ELAC2: variants seen among roughly 807,000 people sequenced by gnomAD.
ELAC2 encodes the protein zinc phosphodiesterase ELAC protein 2.
Under a neutral mutation model 105.2 loss-of-function variants are expected in ELAC2, and 92 were observed. That is an observed-to-expected ratio of 0.87 (90% CI 0.74 to 1.04). The LOEUF (loss-of-function observed/expected upper bound fraction) is 1.04, where lower values mean the gene tolerates loss of function less well. ELAC2 is among the 50% of genes least tolerant of loss of function. The pLI, the probability that ELAC2 is intolerant of heterozygous loss-of-function variation, is 0.00. For synonymous variants in ELAC2, 468 were observed against 409.1 expected, an observed-to-expected ratio of 1.14 and a Z score of -1.74; for missense variants, 1,099 against 1,071.7, an observed-to-expected ratio of 1.03 and a Z score of -0.36.
chr17:13,007,112 A>ACAAAAG (rs1354474349), intron 8 of ELAC2, among the ~76,000 whole-genome samples: 5 of 144,478 alleles, frequency 3.5e-5, no homozygotes, highest in Non-Finnish European at 7.7e-5. Context: ...CTCTGTCTCA[A>ACAAAAG]AAAAAGAAAA....
chr17:13,000,053 G>T, intron 15 of ELAC2, 103 bp downstream of exon 15: 1 of 1,036,492 alleles, frequency 9.6e-7, no homozygotes, highest in Non-Finnish European at 1.5e-6. Context: ...AGACTGAAAA[G>T]CCAGGTTAGA....
rs1567742259 is a variant in ELAC2 at position 12,994,863 on chromosome 17, G to A, written c.1930C>T (p.His644Tyr). The change falls in exon 21 of 24, where the codon CAC (histidine) becomes TAC (tyrosine). Residue 644 changes from histidine (H) to tyrosine (Y), a missense_variant. Transcript: ENST00000338034. ...GCACAGCCAAACGCATGCTTGCAGT[G>A]CCGCACCAGACAGGTCTGAAACTGA... ...LEEFQTCLVR[H>Y]CKHAFGCALV... 6.2e-7 allele frequency: 1 copy of A among 1,614,104 alleles called. No homozygotes were observed. Among genetic ancestry groups the A allele is most frequent in the Non-Finnish European group, 8.5e-7 (1 of 1,180,042 alleles).
At chr17:12,995,915 A>G (rs369124217) in intron 18 of ELAC2, 25 bp downstream of exon 18, 1 of 1,589,024 alleles carries the variant, frequency 6.3e-7, no homozygotes. Context: ...TGAAACTCAG[A>G]ACGCCCATCA....
chr17:12,991,788 A>G lies in ELAC2; in HGVS notation c.*1030T>C, dbSNP rs2040169090. 4.7e-6 allele frequency: 1 copy of G among 213,302 alleles called. No individual in the cohort carries two copies. Among genetic ancestry groups the G allele is most frequent in the South Asian group, 1.9e-4 (1 of 5,206 alleles). 13.2% of individuals were successfully genotyped at this position (213,302 alleles called of 1,614,324 possible). On this transcript the variant is annotated 3_prime_UTR_variant, in exon 24 of 24. Transcript: ENST00000338034. ...TCGCTTGCTTGTCTTTTGAGTTTTTAAAGCTCTTCTTTTTACATTCTCCTG... is the reference window on the plus strand; with the variant it reads ...TCGCTTGCTTGTCTTTTGAGTTTTTGAAGCTCTTCTTTTTACATTCTCCTG...
rs372637041 is a variant in ELAC2 at position 12,993,838 on chromosome 17, G to T, written c.2109-7C>A. 3.1e-6 allele frequency: 5 copies of T among 1,614,046 alleles called. No homozygotes were observed. In the African/African-American group the frequency reaches 6.7e-5, roughly 22 times the overall value. On this transcript the variant is annotated splice_polypyrimidine_tract_variant and splice_region_variant and intron_variant, in intron 22 of 23. Coordinates refer to ENST00000338034, the MANE Select transcript of ELAC2 (RefSeq NM_018127.7). ...GATGGCTTGGGACGTTGTGCTGCAG[G>T]TGAAGGACAGAGCAGACTGAAGCTG...
rs780639942 is a variant in ELAC2 at position 12,994,810 on chromosome 17, C to T, written c.1983G>A (p.Val661=). The change falls in exon 21 of 24, where the codon GTG becomes GTA. Residue 661 remains valine (V), a synonymous_variant. Coordinates refer to ENST00000338034, the MANE Select transcript of ELAC2 (RefSeq NM_018127.7). ...CALVHTSGWK[V]VYSGDTMPCE... ...AGGGCATGGTGTCCCCGGAATAGAC[C>T]ACTTTCCAGCCAGAGGTGTGCACCA... The T allele has an allele frequency of 3.1e-6, 5 of 1,614,046 alleles. No individual in the cohort carries two copies. Among genetic ancestry groups the T allele is most frequent in the Non-Finnish European group, 4.2e-6 (5 of 1,180,046 alleles).
chr17:13,002,205 A>G lies in ELAC2; in HGVS notation c.1304+69T>C, dbSNP rs181262089. On this transcript the variant is annotated intron_variant, in intron 14 of 23. Transcript: ENST00000338034. ...TGGAGAGCCTCCTGGAACATTTACTATGTGGCTATTTACAGAAATGTTTCC... is the reference window on the plus strand; with the variant it reads ...TGGAGAGCCTCCTGGAACATTTACTGTGTGGCTATTTACAGAAATGTTTCC... 409 of 1,514,958 alleles carry G rather than the reference A, an allele frequency of 2.7e-4. 2 individuals are homozygous for G. In the East Asian group the frequency reaches 7.9e-3, roughly 29 times the overall value. The allele number at this position is 1,514,958 out of a possible 1,614,324, so 93.8% of individuals were successfully genotyped here.
At chr17:13,009,308 A>C (rs1339471172) in intron 8 of ELAC2, among the ~76,000 whole-genome samples, 1 of 152,238 alleles carries the variant, frequency 6.6e-6, no homozygotes, top group African/African-American at 2.4e-5. Context: ...AATATATTTC[A>C]AAATCAACAT....
At chr17:13,013,482 C>A (rs897199376) in intron 5 of ELAC2, among the ~76,000 whole-genome samples, 1 of 152,062 alleles carries the variant, frequency 6.6e-6, no homozygotes, top group Non-Finnish European at 1.5e-5. Flanking sequence ...TTACTACAGC[C>A]AGATGAAAAG....
chr17:13,002,788 G>T (rs2040888502), intron 12 of ELAC2: 2 of 726,934 alleles, frequency 2.8e-6, no homozygotes, highest in East Asian at 2.8e-5. Flanking sequence ...TTTCAGGTGT[G>T]CTGGGAAGAG....
chr17:13,017,074 T>C lies in ELAC2; in HGVS notation c.293A>G (p.His98Arg), dbSNP rs1471918559. The C allele has an allele frequency of 9.3e-6, 15 of 1,613,986 alleles. No individual in the cohort carries two copies. The highest frequency in any genetic ancestry group is 1.3e-5 in the African/African-American group (1 of 74,912). The change falls in exon 2 of 24, where the codon CAC becomes CGC. Residue 98 changes from histidine (H) to arginine (R), a missense_variant. His to Arg is a conservative substitution (Grantham distance 29). Coordinates refer to ENST00000338034, the MANE Select transcript of ELAC2 (RefSeq NM_018127.7). The stretch of plus-strand genomic sequence containing the variant: ...CGAAAGCAAGAGACTGACTCACTTG[T>C]GCTCCTGCATGAGTCTCTGAACGCC... Reference protein sequence around the residue: ...GEGVQRLMQEHKLKVARLDNI... With the variant: ...GEGVQRLMQERKLKVARLDNI...
At chr17:13,009,420 T>C (rs567772239) in intron 8 of ELAC2, among the ~76,000 whole-genome samples, 41 of 152,342 alleles carry the variant, frequency 2.7e-4, no homozygotes, top group African/African-American at 9.9e-4. Context: ...CAAAATTCTA[T>C]TAAAAATAAG....
Position 13,013,265 on chromosome 17 carries a change from G to C in ELAC2, c.501C>G (p.Pro167=), listed in dbSNP as rs897139393. 8 of 1,614,096 alleles carry C rather than the reference G, an allele frequency of 5.0e-6. No individual in the cohort carries two copies. The highest frequency in any genetic ancestry group is 5.9e-6 in the Non-Finnish European group (7 of 1,180,038). The change falls in exon 6 of 24, where the codon CCC becomes CCG. Residue 167 remains proline (P), a synonymous_variant. Coordinates refer to ENST00000338034, the MANE Select transcript of ELAC2 (RefSeq NM_018127.7). ...CATCCTCGTATTCTGGGGCAGAGTG[G>C]GGCCGCACAGCTACAAGAAAACCAC... The part of the protein sequence containing the change: ...PLKGIELAVR[P]HSAPEYEDET...
At chr17:12,998,193 G>T (rs1378647536) in intron 16 of ELAC2, among the ~76,000 whole-genome samples, 2 of 151,400 alleles carry the variant, frequency 1.3e-5, no homozygotes, top group Admixed American at 1.3e-4. Flanking sequence ...TTTATTAAAA[G>T]ACATCATGGG....
chr17:13,015,922 C>A, intron 3 of ELAC2, 90 bp from the exon 4 acceptor site: 1 of 983,786 alleles, frequency 1.0e-6, no homozygotes, highest in Non-Finnish European at 1.6e-6. Context: ...AACTATTTAT[C>A]TACATCTCCA....
At chr17:13,017,544 A>C in intron 1 of ELAC2, 159 bp downstream of exon 1, 1 of 1,358,998 alleles carries the variant, frequency 7.4e-7, no homozygotes, top group South Asian at 1.4e-5. Context: ...ATGGATGCAA[A>C]GAATCTCGGA....
At chr17:13,003,981 C>A in intron 11 of ELAC2, 1 of 226,140 alleles carries the variant, frequency 4.4e-6, no homozygotes, top group Non-Finnish European at 9.0e-6. Context: ...TCCAATGCCA[C>A]CCTGGTGTCT....
At position 12,991,845 on chromosome 17, in the gene ELAC2, C is replaced by T. The variant is rs890802521; in HGVS notation, c.*973G>A. 4.2e-5 allele frequency among the ~76,000 whole-genome samples: 6 copies of T among 141,350 alleles called. No homozygotes were observed. Among genetic ancestry groups the T allele is most frequent in the Non-Finnish European group, 9.6e-5 (6 of 62,594 alleles). 92.7% of individuals were successfully genotyped at this position (141,350 alleles called of 152,430 possible). On this transcript the variant is annotated 3_prime_UTR_variant, in exon 24 of 24. Coordinates refer to ENST00000338034, the MANE Select transcript of ELAC2 (RefSeq NM_018127.7). ...GAATATACACAATAAATACTAGATT[C>T]AACTTACTTACTTACTTACTTACTT... is the stretch of plus-strand genomic sequence containing the variant.
At position 12,992,114 on chromosome 17, in the gene ELAC2, T is replaced by G. The variant is rs912305136; in HGVS notation, c.*704A>C. Among the ~76,000 whole-genome samples the G allele has an allele frequency of 1.4e-5, 2 of 147,584 alleles. No individual in the cohort carries two copies. The highest frequency in any genetic ancestry group is 3.0e-5 in the Non-Finnish European group (2 of 66,454). On this transcript the variant is annotated 3_prime_UTR_variant, in exon 24 of 24. Transcript: ENST00000338034. ...ACCAATGACACCAGCCCAGCCAGGC[T>G]CTCACTGATTGATTTGATTGATTGA... is the stretch of plus-strand genomic sequence containing the variant.
Sources: gnomAD v4.1 joint callset for allele counts (sites outside exome capture counted in the v4.1 genomes callset) on GRCh38, gnomAD v4.1.1 for gene constraint, MANE v1.5 for transcripts, NCBI Gene and HGNC (gene_info 2026-07-23, HGNC 2026-07-21) for gene names.